PIEZO1: variants seen among roughly 807,000 people sequenced by gnomAD.
The protein encoded by PIEZO1 is piezo type mechanosensitive ion channel component 1 (Er blood group), also known as piezo-type mechanosensitive ion channel component 1.
A neutral mutation model predicts 297.2 loss-of-function variants in PIEZO1; 296 were observed. That is an observed-to-expected ratio of 1.00 (90% CI 0.91 to 1.10). PIEZO1 has a LOEUF of 1.10. PIEZO1 is among the 50% of genes least tolerant of loss of function. PIEZO1 has a pLI of 0.00. For missense variants in PIEZO1, 5,018 were observed against 3,455.5 expected (o/e 1.45, Z -11.34); for synonymous variants, 2,427 against 1,507.5 (o/e 1.61, Z -14.13).
chr16:88,724,569 T>G (rs1313433192), intron 30 of PIEZO1, among the ~76,000 whole-genome samples: 4 of 148,360 alleles, frequency 2.7e-5, no homozygotes. Context: ...GGGCACATGC[T>G]TGTAGTCTCA....
intron 17 of PIEZO1, 79 bp downstream of exon 17, chr16:88,733,827 G>T: frequency 6.8e-7 from 1 of 1,465,464 alleles, no homozygotes. Context: ...GAGCCCAGAG[G>T]GGACTCTGCC....
rs754670621 is a variant in PIEZO1 at position 88,734,775 on chromosome 16, C to T, written c.1872G>A (p.Lys624=). Residue 624 remains lysine, a synonymous_variant, in exon 15 of 51, where the codon AAG becomes AAA. Transcript: ENST00000301015. The stretch of plus-strand genomic sequence containing the variant: ...CGAGCCACCAGAAGGCCTTGAGCAG[C>T]TTCCGCCACAGGCTGTAGTAGACCT... ...LFQVYYSLWR[K]LLKAFWWLVV... The T allele has an allele frequency of 6.5e-7, 1 of 1,550,366 alleles. No individual in the cohort carries two copies. The highest frequency in any genetic ancestry group is 1.2e-5 in the South Asian group (1 of 84,070).
At chr16:88,716,332 C>CCTGCCCACCACCCGGGCCCTTCA (rs1353403500) in intron 48 of PIEZO1, 29 bp downstream of exon 48, 1 of 1,507,708 alleles carries the variant, frequency 6.6e-7, no homozygotes, top group Admixed American at 2.1e-5. Flanking sequence ...GCACAGCCCT[C>CCTGCCCACCACCCGGGCCCTTCA]CTGCCCACCA....
At chr16:88,729,732 A>T (rs929474710) in intron 22 of PIEZO1, among the ~76,000 whole-genome samples, 5 of 133,874 alleles carry the variant, frequency 3.7e-5, no homozygotes, top group Non-Finnish European at 7.8e-5. Flanking sequence ...CACAGAGGGA[A>T]CCTCGCGACA....
At chr16:88,730,843 A>G (rs1904753827) in intron 22 of PIEZO1, among the ~76,000 whole-genome samples, 1 of 152,242 alleles carries the variant, frequency 6.6e-6, no homozygotes, top group Non-Finnish European at 1.5e-5. Flanking sequence ...AGCCAGTAAC[A>G]AATGGCAGCT....
In PIEZO1 at chr16:88,726,816, C is replaced by G. The variant is rs376165646; in HGVS notation, c.3598G>C (p.Gly1200Arg). ...GTGTCCCTCTGCAGCAGGGCCGTGC[C>G]GAAGAGCAGCAGGTAGAAGCAGGCC... ...LLACFYLLLF[G>R]TALLQRDTRA... Residue 1200 changes from glycine (G) to arginine (R), a missense_variant, in exon 25 of 51, where the codon GGC (glycine) becomes CGC (arginine). Physicochemically the swap from Gly to Arg is moderately radical, Grantham distance 125 (BLOSUM62 -2). Transcript: ENST00000301015. 2 of 1,550,160 alleles carry G rather than the reference C, an allele frequency of 1.3e-6. No individual in the cohort carries two copies. Among genetic ancestry groups the G allele is most frequent in the Non-Finnish European group, 8.7e-7 (1 of 1,146,930 alleles).
At chr16:88,757,318 GC>G (rs540835078) in intron 1 of PIEZO1, among the ~76,000 whole-genome samples, 20,834 of 103,300 alleles carry the variant, frequency 0.2, 2,884 homozygotes, top group South Asian at 0.25. Flanking sequence ...GGCGTTGCTG[GC>G]GGGGGGGTGG....
chr16:88,746,242 G>A (rs1039181638), intron 2 of PIEZO1, among the ~76,000 whole-genome samples: 1 of 152,194 alleles, frequency 6.6e-6, no homozygotes, highest in Non-Finnish European at 1.5e-5. Context: ...GGGGACCAGT[G>A]AAGCTGGAGA....
At chr16:88,774,459 C>T (rs943829056) in intron 1 of PIEZO1, among the ~76,000 whole-genome samples, 3 of 152,206 alleles carry the variant, frequency 2.0e-5, no homozygotes, top group African/African-American at 4.8e-5. Context: ...AAGGGGAAAA[C>T]AGGACCCAGC....
chr16:88,722,589 A>C lies in PIEZO1; in HGVS notation c.4769T>G (p.Val1590Gly), dbSNP rs1260199568. 6.5e-7 allele frequency: 1 copy of C among 1,530,648 alleles called. No homozygotes were observed. Among genetic ancestry groups the C allele is most frequent in the Non-Finnish European group, 8.8e-7 (1 of 1,140,436 alleles). 94.8% of individuals were successfully genotyped at this position (1,530,648 alleles called of 1,614,324 possible). A position where few individuals can be genotyped will look rare whatever the true frequency, so the allele number is the denominator to read the frequency against. The change falls in exon 35 of 51, where the codon GTG becomes GGG. Residue 1590 changes from valine to glycine, a missense_variant. Coordinates refer to ENST00000301015, the MANE Select transcript of PIEZO1 (RefSeq NM_001142864.4). ...PTEAPNAPST[V>G]SSGLGAEEPL... ...GGGTCACCCCCGCACCTACCTGGAC[A>C]CGGTGCTTGGGGCATTGGGGGCCTC... is the stretch of plus-strand genomic sequence containing the variant.
chr16:88,758,517 C>G (rs903443033), intron 1 of PIEZO1, among the ~76,000 whole-genome samples: 2 of 152,234 alleles, frequency 1.3e-5, no homozygotes, highest in African/African-American at 4.8e-5. Flanking sequence ...GAGCCTATGA[C>G]AGAGGCAGTG....
chr16:88,779,956 A>G (rs1043581196), intron 1 of PIEZO1, among the ~76,000 whole-genome samples: 5 of 152,316 alleles, frequency 3.3e-5, no homozygotes, highest in African/African-American at 9.6e-5. Flanking sequence ...TGTGAGATCC[A>G]AAGCCCGAGA....
chr16:88,720,542 G>C lies in PIEZO1; in HGVS notation c.5802-10C>G, dbSNP rs757735078. On this transcript the variant is annotated splice_polypyrimidine_tract_variant and intron_variant, in intron 40 of 50. Coordinates refer to ENST00000301015, the MANE Select transcript of PIEZO1 (RefSeq NM_001142864.4). ...ATATGTGCCCTGGGCCCTGCGGAAG[G>C]GGGCGCTCAGCCTGGGCCCAGTACC... is the stretch of plus-strand genomic sequence containing the variant. The C allele has an allele frequency of 1.4e-5, 21 of 1,549,388 alleles. No homozygotes were observed. The highest frequency in any genetic ancestry group is 1.3e-4 in the South Asian group (11 of 84,052).
At chr16:88,754,331 C>T (rs1390172899) in intron 1 of PIEZO1, among the ~76,000 whole-genome samples, 1 of 152,296 alleles carries the variant, frequency 6.6e-6, no homozygotes, top group South Asian at 2.1e-4. Flanking sequence ...TGGTGGTAAC[C>T]AGGACCACAC....
At chr16:88,774,561 G>T (rs1011873226) in intron 1 of PIEZO1, among the ~76,000 whole-genome samples, 1 of 152,206 alleles carries the variant, frequency 6.6e-6, no homozygotes, top group African/African-American at 2.4e-5. Flanking sequence ...ATACCACGTG[G>T]AGGAGAAACG....
Position 88,737,661 on chromosome 16 carries a change from C to T in PIEZO1, c.1108-15G>A, listed in dbSNP as rs556017250. 1.6e-5 allele frequency: 25 copies of T among 1,534,172 alleles called. No homozygotes were observed. The highest frequency in any genetic ancestry group is 3.9e-5 in the Admixed American group (2 of 50,994). On this transcript the variant is annotated splice_polypyrimidine_tract_variant and intron_variant, in intron 9 of 50. Transcript: ENST00000301015. ...GGCACCACGTGCTGTGGGCAAGCAG[C>T]GCTGAGCCATGCACGGGCTGGCCGG...
chr16:88,737,610 T>A lies in PIEZO1; in HGVS notation c.1144A>T (p.Asn382Tyr). 6.5e-7 allele frequency: 1 copy of A among 1,534,938 alleles called. No individual in the cohort carries two copies. The highest frequency in any genetic ancestry group is 8.7e-7 in the Non-Finnish European group (1 of 1,146,584). The change falls in exon 10 of 51, where the codon AAC (asparagine) becomes TAC (tyrosine). Residue 382 changes from asparagine to tyrosine, a missense_variant. By Grantham distance (143) the Asn-to-Tyr change is moderately radical. Transcript: ENST00000301015. The part of the protein sequence containing the change: ...VPTAPDTEAD[N>Y]CIVHELTGQS... ...CCGGTCAGCTCGTGCACGATGCAGT[T>A]ATCAGCCTCGGTGTCGGGTGCTGTG...
chr16:88,749,323 C>G, intron 2 of PIEZO1, 61 bp downstream of exon 2: 1 of 1,117,006 alleles, frequency 9.0e-7, no homozygotes, highest in Middle Eastern at 2.0e-4. Context: ...CGAATTTTGG[C>G]CCCAAACGAA....
In PIEZO1 at chr16:88,735,054, C is replaced by T; in HGVS notation, c.1670-1G>A. The T allele has an allele frequency of 6.5e-7, 1 of 1,550,328 alleles. No homozygotes were observed. Among genetic ancestry groups the T allele is most frequent in the Non-Finnish European group, 8.7e-7 (1 of 1,146,904 alleles). On this transcript the variant is annotated splice_acceptor_variant, in intron 13 of 50. Transcript: ENST00000301015. LOFTEE classifies it high-confidence loss of function. ...AACAGCGTCTGCGTCCGCGTGGGCTCTGTGGGCCAAGCCAGGGGCAGGCGA... is the reference window on the plus strand; with the variant it reads ...AACAGCGTCTGCGTCCGCGTGGGCTTTGTGGGCCAAGCCAGGGGCAGGCGA...
Sources: gnomAD v4.1 joint callset for allele counts (sites outside exome capture counted in the v4.1 genomes callset) on GRCh38, gnomAD v4.1.1 for gene constraint, MANE v1.5 for transcripts, NCBI Gene and HGNC (gene_info 2026-07-23, HGNC 2026-07-21) for gene names.